Variants in TGOLN2 observed in about 807,000 individuals in gnomAD.
The protein encoded by TGOLN2 is trans-Golgi network integral membrane protein 2.
In TGOLN2, 19 loss-of-function variants were observed where a neutral mutation model predicts 31.3. The observed-to-expected ratio is 0.61, with a 90% confidence interval of 0.42 to 0.89. The LOEUF (loss-of-function observed/expected upper bound fraction) is 0.89, where lower values mean the gene tolerates loss of function less well. Ranked by LOEUF, TGOLN2 falls within the 40% of genes least tolerant of loss-of-function variation. The pLI, the probability that TGOLN2 is intolerant of heterozygous loss-of-function variation, is 0.00. For synonymous variants in TGOLN2, 222 were observed against 226.7 expected, an observed-to-expected ratio of 0.98 and a Z score of 0.19; for missense variants, 540 against 559.2, an observed-to-expected ratio of 0.97 and a Z score of 0.35.
intron 1 of TGOLN2, 89 bp from the exon 2 acceptor site, chr2:85,327,774 A>C: frequency 5.7e-6 from 6 of 1,049,620 alleles, no homozygotes; most frequent in Non-Finnish European, 5.4e-6. Context: ...GCAGCGGGGG[A>C]ATGGGGATTG....
Position 85,319,648 on chromosome 2 carries a change from CCTCTTT to C in TGOLN2, c.*3082_*3087del, listed in dbSNP as rs1682482826. On this transcript the variant is annotated 3_prime_UTR_variant, in exon 4 of 4. Transcript: ENST00000377386. ...TGAAACCAACCTTTCTTCCTGCTCTCCTCTTTAAGAGCAAACCCCAACATGTATAAG... is the reference window on the plus strand; with the variant it reads ...TGAAACCAACCTTTCTTCCTGCTCTCAAGAGCAAACCCCAACATGTATAAG... 2 of 152,290 alleles carry C rather than the reference CCTCTTT, an allele frequency of 1.3e-5. No individual in the cohort carries two copies. Among genetic ancestry groups the C allele is most frequent in the African/African-American group, 2.4e-5 (1 of 41,552 alleles). The allele number at this position is 152,290 out of a possible 1,614,324, so 9.4% of individuals were successfully genotyped here. A position where few individuals can be genotyped will look rare whatever the true frequency, so the allele number is the denominator to read the frequency against.
chr2:85,326,557 G>A lies in TGOLN2; in HGVS notation c.1175C>T (p.Ala392Val), dbSNP rs1486691965. 2.5e-6 allele frequency: 4 copies of A among 1,613,966 alleles called. No individual in the cohort carries two copies. The South Asian group carries it at 4.4e-5, about 18-fold the overall frequency. The change falls in exon 2 of 4, where the codon GCA (alanine) becomes GTA (valine). Residue 392 changes from alanine (A) to valine (V), a missense_variant. By Grantham distance (64) the Ala-to-Val change is moderately conservative. Transcript: ENST00000377386. ...ATAGAGGACAGCCACAAGAATGGCT[G>A]CAGTCACCAGATATGCAAAGAAGTG... Reference protein sequence around the residue: ...SSHFFAYLVTAAILVAVLYIA... With the variant: ...SSHFFAYLVTVAILVAVLYIA...
At position 85,326,874 on chromosome 2, in the gene TGOLN2, T is replaced by C. The variant is rs1682751663; in HGVS notation, c.858A>G (p.Lys286=). Residue 286 remains lysine (K), a synonymous_variant, in exon 2 of 4, where the codon AAA becomes AAG. Coordinates refer to ENST00000377386, the MANE Select transcript of TGOLN2 (RefSeq NM_006464.4). The part of the protein sequence containing the change: ...PKADTNQLAD[K]GKLSPHAFKT... ...TGAAAGCATGAGGAGAAAGCTTCCC[T>C]TTGTCAGCAAGCTGGTTTGTGTCAG... 7 of 1,613,908 alleles carry C rather than the reference T, an allele frequency of 4.3e-6. No individual in the cohort carries two copies. The highest frequency in any genetic ancestry group is 5.9e-6 in the Non-Finnish European group (7 of 1,179,898).
chr2:85,325,326 A>G (rs1036903196), intron 2 of TGOLN2, among the ~76,000 whole-genome samples: 5 of 152,210 alleles, frequency 3.3e-5, no homozygotes, highest in Non-Finnish European at 7.3e-5. Context: ...AGGATATAGG[A>G]CATTCCTTTA....
chr2:85,327,375 T>A lies in TGOLN2; in HGVS notation c.357A>T (p.Thr119=). The change falls in exon 2 of 4, where the codon ACA becomes ACT. Residue 119 remains threonine, a synonymous_variant. Coordinates refer to ENST00000377386, the MANE Select transcript of TGOLN2 (RefSeq NM_006464.4). The part of the protein sequence containing the change: ...TSKSGSEAQT[T]KDSTSKSHPE... ...GATGCGACTTACTAGTGCTGTCTTTTGTGGTCTGCGCCTCCGAACCCGACT... is the reference window on the plus strand; with the variant it reads ...GATGCGACTTACTAGTGCTGTCTTTAGTGGTCTGCGCCTCCGAACCCGACT... The A allele has an allele frequency of 6.2e-7, 1 of 1,611,490 alleles. No individual in the cohort carries two copies. Among genetic ancestry groups the A allele is most frequent in the South Asian group, 1.1e-5 (1 of 90,946 alleles).
At position 85,321,641 on chromosome 2, in the gene TGOLN2, C is replaced by A. The variant is rs1299141323; in HGVS notation, c.*1095G>T. On this transcript the variant is annotated 3_prime_UTR_variant, in exon 4 of 4. Transcript: ENST00000377386. ...ATGGAAGAAGAATTTTTATCAAATA[C>A]CCTTGGCATCTTATATCAGATTAAA... is the stretch of plus-strand genomic sequence containing the variant. 1.3e-5 allele frequency: 2 copies of A among 152,372 alleles called. No homozygotes were observed. The highest frequency in any genetic ancestry group is 3.9e-4 in the East Asian group (2 of 5,194). The allele number at this position is 152,372 out of a possible 1,614,324, so 9.4% of individuals were successfully genotyped here.
In TGOLN2 at chr2:85,318,540, G is replaced by A. The variant is rs1440315538; in HGVS notation, c.*4196C>T. On this transcript the variant is annotated 3_prime_UTR_variant, in exon 4 of 4. Coordinates refer to ENST00000377386, the MANE Select transcript of TGOLN2 (RefSeq NM_006464.4). The stretch of plus-strand genomic sequence containing the variant: ...GCCAAATCCAACCTTCCTAACAGGG[G>A]TTTTCAGAAAATGGCCTGCAGAAGC... 6.6e-6 allele frequency: 1 copy of A among 152,252 alleles called. No individual in the cohort carries two copies. The highest frequency in any genetic ancestry group is 6.5e-5 in the Admixed American group (1 of 15,284). 9.4% of individuals were successfully genotyped at this position (152,252 alleles called of 1,614,324 possible).
chr2:85,319,838 C>G lies in TGOLN2; in HGVS notation c.*2898G>C, dbSNP rs949987454. On this transcript the variant is annotated 3_prime_UTR_variant, in exon 4 of 4. Coordinates refer to ENST00000377386, the MANE Select transcript of TGOLN2 (RefSeq NM_006464.4). ...GCAGATAGGAAAGCATTGCCAAGGG[C>G]TGTCCCTCAAGAGCTTAGTTTTCTT... 6.6e-6 allele frequency: 1 copy of G among 152,256 alleles called. No individual in the cohort carries two copies. Among genetic ancestry groups the G allele is most frequent in the African/African-American group, 2.4e-5 (1 of 41,472 alleles). 9.4% of individuals were successfully genotyped at this position (152,256 alleles called of 1,614,324 possible). A position where few individuals can be genotyped will look rare whatever the true frequency, so the allele number is the denominator to read the frequency against.
At chr2:85,326,310 A>T (rs1360103295) in intron 2 of TGOLN2, among the ~76,000 whole-genome samples, 198 bp downstream of exon 2, 1 of 152,212 alleles carries the variant, frequency 6.6e-6, no homozygotes, top group Non-Finnish European at 1.5e-5. Flanking sequence ...GAGGACACTC[A>T]GAGTAAACAG....
chr2:85,327,963 C>G lies in TGOLN2; in HGVS notation c.-1G>C. On this transcript the variant is annotated 5_prime_UTR_variant, in exon 1 of 4. Coordinates refer to ENST00000377386, the MANE Select transcript of TGOLN2 (RefSeq NM_006464.4). ...GGACCAAGGCAACCACGAACCGCAT[C>G]CTGCTCGGATAGCGCTTCCGCCCTC... The G allele has an allele frequency of 6.3e-7, 1 of 1,593,076 alleles. No homozygotes were observed. Among genetic ancestry groups the G allele is most frequent in the South Asian group, 1.1e-5 (1 of 87,668 alleles).
chr2:85,323,565 CA>C (rs1269044072), intron 3 of TGOLN2, among the ~76,000 whole-genome samples: 6 of 152,080 alleles, frequency 3.9e-5, no homozygotes, highest in Non-Finnish European at 8.8e-5. Flanking sequence ...GACTCCGTCT[CA>C]AAAACAAACA....
chr2:85,318,258 A>C lies in TGOLN2; in HGVS notation c.*4478T>G, dbSNP rs2104402131. 6.6e-6 allele frequency: 1 copy of C among 152,350 alleles called. No individual in the cohort carries two copies. The highest frequency in any genetic ancestry group is 2.1e-4 in the South Asian group (1 of 4,828). 9.4% of individuals were successfully genotyped at this position (152,350 alleles called of 1,614,324 possible). The stretch of plus-strand genomic sequence containing the variant: ...TCTATTAACTGGGAAAACACAAAAG[A>C]AGAGAAACAATTTCAACCATTAATC... On this transcript the variant is annotated 3_prime_UTR_variant, in exon 4 of 4. Transcript: ENST00000377386.
At chr2:85,325,061 A>G in intron 2 of TGOLN2, 63 bp from the exon 3 acceptor site, 1 of 1,492,916 alleles carries the variant, frequency 6.7e-7, no homozygotes, top group South Asian at 1.2e-5. Context: ...TCAGTCTCTG[A>G]ACTCAGAGGC....
chr2:85,324,718 T>C (rs760228464), intron 3 of TGOLN2, 197 bp downstream of exon 3: 45 of 625,358 alleles, frequency 7.2e-5, no homozygotes, highest in Non-Finnish European at 1.2e-4. Context: ...AGGTCTCTGC[T>C]AGCTCTAACG....
chr2:85,325,480 CT>C (rs984810839), intron 2 of TGOLN2, among the ~76,000 whole-genome samples: 21 of 149,024 alleles, frequency 1.4e-4, no homozygotes, highest in East Asian at 3.9e-4. Context: ...AAGAAATACA[CT>C]TTTTTTTTTT....
Position 85,320,332 on chromosome 2 carries a change from A to G in TGOLN2, c.*2404T>C, listed in dbSNP as rs1315520295. On this transcript the variant is annotated 3_prime_UTR_variant, in exon 4 of 4. Coordinates refer to ENST00000377386, the MANE Select transcript of TGOLN2 (RefSeq NM_006464.4). ...TGAGCTCCTTTCCAAGAAGCTGGACAGGAAACCCAATAAATGTGGATCTGA... is the reference window on the plus strand; with the variant it reads ...TGAGCTCCTTTCCAAGAAGCTGGACGGGAAACCCAATAAATGTGGATCTGA... 1 of 152,268 alleles carries G rather than the reference A, an allele frequency of 6.6e-6. No individual in the cohort carries two copies. The highest frequency in any genetic ancestry group is 1.9e-4 in the East Asian group (1 of 5,196). The allele number at this position is 152,268 out of a possible 1,614,324, so 9.4% of individuals were successfully genotyped here.
intron 3 of TGOLN2, among the ~76,000 whole-genome samples, chr2:85,323,658 C>T (rs1296090273): frequency 6.6e-6 from 1 of 152,218 alleles, no homozygotes; most frequent in Non-Finnish European, 1.5e-5. Flanking sequence ...GTAAAGCTAG[C>T]CTACTGGACT....
Position 85,327,375 on chromosome 2 carries a change from T to C in TGOLN2, c.357A>G (p.Thr119=). The C allele has an allele frequency of 6.2e-7, 1 of 1,611,490 alleles. No individual in the cohort carries two copies. Among genetic ancestry groups the C allele is most frequent in the Non-Finnish European group, 8.5e-7 (1 of 1,179,196 alleles). Residue 119 remains threonine, a synonymous_variant, in exon 2 of 4, where the codon ACA becomes ACG. Transcript: ENST00000377386. ...TSKSGSEAQT[T]KDSTSKSHPE... ...GATGCGACTTACTAGTGCTGTCTTT[T>C]GTGGTCTGCGCCTCCGAACCCGACT...
chr2:85,326,303 G>A (rs1682724895), intron 2 of TGOLN2, among the ~76,000 whole-genome samples: 1 of 152,186 alleles, frequency 6.6e-6, no homozygotes. Context: ...AGTAGCAGAG[G>A]ACACTCAGAG....
Sources: allele counts gnomAD v4.1 joint callset (sites outside exome capture counted in the v4.1 genomes callset), GRCh38; gene constraint gnomAD v4.1.1; transcripts MANE v1.5; gene names NCBI Gene and HGNC (gene_info 2026-07-23, HGNC 2026-07-21).